Variants in TMEM123 observed in about 807,000 individuals in gnomAD.
TMEM123 encodes the protein transmembrane protein 123.
TMEM123 carries 16 observed loss-of-function variants against 19.7 expected under a neutral mutation model. That is an observed-to-expected ratio of 0.81 (90% CI 0.55 to 1.23). TMEM123 has a LOEUF of 1.23. Among genes scored for constraint, TMEM123 ranks in the 50% most tolerant of loss-of-function variants. The probability of loss-of-function intolerance (pLI) is 0.00; values close to 1 mark genes in which losing one functional copy is unlikely to be tolerated. For missense variants in TMEM123, 313 were observed against 257.8 expected (o/e 1.21, Z -1.47); for synonymous variants, 118 against 99.4 (o/e 1.19, Z -1.12).
In TMEM123 at chr11:102,401,704, GAAAAC is replaced by G. The variant is rs751142613; in HGVS notation, c.449-17_449-13del. ...CATAGTTGTTGTGACTAGAACAAAA[GAAAAC>G]AAAAAAGGGCTTTAGCGTTATTTTT... On this transcript the variant is annotated splice_polypyrimidine_tract_variant and intron_variant, in intron 3 of 4. Coordinates refer to ENST00000398136, the MANE Select transcript of TMEM123 (RefSeq NM_052932.3). 6.4e-7 allele frequency: 1 copy of G among 1,558,732 alleles called. No individual in the cohort carries two copies. The highest frequency in any genetic ancestry group is 2.3e-5 in the Admixed American group (1 of 44,424).
At chr11:102,401,438 A>C (rs1412832010) in intron 4 of TMEM123, 101 bp downstream of exon 4, 3 of 1,110,726 alleles carry the variant, frequency 2.7e-6, no homozygotes, top group Non-Finnish European at 3.7e-6. Context: ...TAAATCTATC[A>C]ATTATTCATC....
intron 2 of TMEM123, among the ~76,000 whole-genome samples, chr11:102,404,617 T>G (rs1267789824): frequency 6.7e-6 from 1 of 150,154 alleles, no homozygotes; most frequent in African/African-American, 2.5e-5. Flanking sequence ...TTACTATTTT[T>G]GAAACAGTCT....
intron 2 of TMEM123, among the ~76,000 whole-genome samples, chr11:102,402,449 A>G (rs1003067645): frequency 4.7e-5 from 7 of 147,710 alleles, no homozygotes; most frequent in African/African-American, 4.9e-5. Context: ...AGATATGAAG[A>G]AAAAAAAAAA....
intron 2 of TMEM123, among the ~76,000 whole-genome samples, chr11:102,414,951 C>T (rs190355915): frequency 6.6e-6 from 1 of 152,142 alleles, no homozygotes; most frequent in Non-Finnish European, 1.5e-5. Context: ...CTTCAAGAGA[C>T]CAGTCTCACC....
chr11:102,408,354 C>T (rs151235710), intron 2 of TMEM123, among the ~76,000 whole-genome samples: 114 of 152,294 alleles, frequency 7.5e-4, no homozygotes, highest in Non-Finnish European at 1.2e-3. Flanking sequence ...AATTATTACT[C>T]CTAATTTTTC....
chr11:102,426,451 CTTTT>C (rs140836722), intron 2 of TMEM123, among the ~76,000 whole-genome samples: 1 of 143,224 alleles, frequency 7.0e-6, no homozygotes, highest in African/African-American at 2.6e-5. Context: ...TATTTATTAT[CTTTT>C]TTTTTTTTTT....
chr11:102,413,494 T>G (rs1044168252), intron 2 of TMEM123, among the ~76,000 whole-genome samples: 3 of 152,166 alleles, frequency 2.0e-5, no homozygotes, highest in Non-Finnish European at 4.4e-5. Context: ...GGAATGTTAT[T>G]GCCAGTGGAC....
chr11:102,410,511 C>CAAAAA (rs796159138), intron 2 of TMEM123, among the ~76,000 whole-genome samples: 35 of 105,412 alleles, frequency 3.3e-4, no homozygotes, highest in African/African-American at 6.2e-4. Flanking sequence ...CTGTTAGTTA[C>CAAAAA]AAAAAAAAAA....
At chr11:102,404,611 T>A (rs1192640101) in intron 2 of TMEM123, among the ~76,000 whole-genome samples, 1 of 151,466 alleles carries the variant, frequency 6.6e-6, no homozygotes, top group African/African-American at 2.4e-5. Context: ...TTGTTATTAC[T>A]ATTTTTGAAA....
At chr11:102,408,495 C>G (rs1052856604) in intron 2 of TMEM123, among the ~76,000 whole-genome samples, 1 of 152,210 alleles carries the variant, frequency 6.6e-6, no homozygotes, top group Non-Finnish European at 1.5e-5. Flanking sequence ...GTACCTTAGG[C>G]AAGTTACTTA....
Position 102,411,658 on chromosome 11 carries a change from T to A in TMEM123, c.158-9452A>T, listed in dbSNP as rs918172868. ...TGAATTGGATTGTAGGACACTCAGCTGATGTCTGAGAACTGGCAGAGGTGG... is the reference window on the plus strand; with the variant it reads ...TGAATTGGATTGTAGGACACTCAGCAGATGTCTGAGAACTGGCAGAGGTGG... On this transcript the variant is annotated intron_variant, in intron 2 of 4. Transcript: ENST00000398136. Among the ~76,000 whole-genome samples, 12 of 151,608 alleles carry A rather than the reference T, an allele frequency of 7.9e-5. No homozygotes were observed. In the South Asian group the frequency reaches 2.5e-3, roughly 32 times the overall value.
intron 2 of TMEM123, among the ~76,000 whole-genome samples, chr11:102,445,373 T>G (rs1335545772): frequency 6.6e-6 from 1 of 152,214 alleles, no homozygotes; most frequent in Non-Finnish European, 1.5e-5. Flanking sequence ...CTATCAACAT[T>G]TGCATCTATC....
chr11:102,398,757 C>A lies in TMEM123; in HGVS notation c.*110G>T. On this transcript the variant is annotated 3_prime_UTR_variant, in exon 5 of 5. Coordinates refer to ENST00000398136, the MANE Select transcript of TMEM123 (RefSeq NM_052932.3). Reference sequence around the variant, plus strand: ...AATACACTGTACATTATATGCATGGCCTGTTTATACTATTTTCAAAAAGAG... The same window carrying A: ...AATACACTGTACATTATATGCATGGACTGTTTATACTATTTTCAAAAAGAG... The A allele has an allele frequency of 9.4e-7, 1 of 1,061,096 alleles. No homozygotes were observed. The allele number at this position is 1,061,096 out of a possible 1,614,324, so 65.7% of individuals were successfully genotyped here.
At chr11:102,401,339 A>G (rs552778040) in intron 4 of TMEM123, among the ~76,000 whole-genome samples, 200 bp downstream of exon 4, 5 of 152,312 alleles carry the variant, frequency 3.3e-5, no homozygotes, top group Admixed American at 2.0e-4. Flanking sequence ...AAGTATATAC[A>G]TCCATTTTCA....
At chr11:102,401,138 G>A (rs886372984) in intron 4 of TMEM123, among the ~76,000 whole-genome samples, 10 of 151,808 alleles carry the variant, frequency 6.6e-5, no homozygotes, top group South Asian at 2.1e-4. Flanking sequence ...TGTCTTTGTC[G>A]TGGAAAACAA....
chr11:102,436,738 T>C (rs1857766711), intron 2 of TMEM123, among the ~76,000 whole-genome samples: 1 of 147,446 alleles, frequency 6.8e-6, no homozygotes, highest in African/African-American at 2.4e-5. Context: ...TCATCAATTT[T>C]AGTCTGAAAG....
rs1414133615 is a variant in TMEM123, at chr11:102,396,717, A to G, written c.*2150T>C. 1 of 152,236 alleles carries G rather than the reference A, an allele frequency of 6.6e-6. No individual in the cohort carries two copies. The highest frequency in any genetic ancestry group is 1.5e-5 in the Non-Finnish European group (1 of 68,040). 9.4% of individuals were successfully genotyped at this position (152,236 alleles called of 1,614,324 possible). The stretch of plus-strand genomic sequence containing the variant: ...ATAGATAACAACAACAAAAAAACCT[A>G]CATTCAAAGTACGGGTATTTGAAAG... On this transcript the variant is annotated 3_prime_UTR_variant, in exon 5 of 5. Transcript: ENST00000398136.
intron 2 of TMEM123, among the ~76,000 whole-genome samples, chr11:102,418,414 T>C (rs1952058885): frequency 6.6e-6 from 1 of 152,016 alleles, no homozygotes; most frequent in South Asian, 2.1e-4. Context: ...AACAAGCATA[T>C]TAAAAAAATG....
chr11:102,428,576 G>T (rs1285098551), intron 2 of TMEM123, among the ~76,000 whole-genome samples: 1 of 151,448 alleles, frequency 6.6e-6, no homozygotes, highest in East Asian at 1.9e-4. Flanking sequence ...CAAAGTGCTG[G>T]GATTACAGGT....
Sources: gnomAD v4.1 joint callset for allele counts (sites outside exome capture counted in the v4.1 genomes callset) on GRCh38, gnomAD v4.1.1 for gene constraint, MANE v1.5 for transcripts, NCBI Gene and HGNC (gene_info 2026-07-23, HGNC 2026-07-21) for gene names.